The following HS6ST3 variants were observed in gnomAD, a reference collection of about 807,000 sequenced individuals.
The protein encoded by HS6ST3 is heparan-sulfate 6-O-sulfotransferase 3.
A neutral mutation model predicts 36.7 loss-of-function variants in HS6ST3; 12 were observed. The observed-to-expected ratio is 0.33, with a 90% confidence interval of 0.21 to 0.53. HS6ST3 has a LOEUF of 0.53. Among genes scored for constraint, HS6ST3 ranks in the 20% least tolerant of loss-of-function variants. The pLI is 0.95. For synonymous variants in HS6ST3, 240 were observed against 257.5 expected, an observed-to-expected ratio of 0.93 and a Z score of 0.65; for missense variants, 584 against 640.9, an observed-to-expected ratio of 0.91 and a Z score of 0.96.
At chr13:96,662,489 TATC>T (rs1396995119) in intron 1 of HS6ST3, among the ~76,000 whole-genome samples, 1 of 143,028 alleles carries the variant, frequency 7.0e-6, no homozygotes, top group Non-Finnish European at 1.5e-5. Flanking sequence ...TCTTCTTTCA[TATC>T]ATGTTTGTGT....
intron 1 of HS6ST3, among the ~76,000 whole-genome samples, chr13:96,748,191 G>C (rs80335820): frequency 2.0e-5 from 3 of 152,000 alleles, no homozygotes; most frequent in Non-Finnish European, 2.9e-5. Context: ...AAGAGGACTT[G>C]TGTCTTTCAA....
At chr13:96,643,312 A>T (rs2056577070) in intron 1 of HS6ST3, among the ~76,000 whole-genome samples, 1 of 151,860 alleles carries the variant, frequency 6.6e-6, no homozygotes, top group Non-Finnish European at 1.5e-5. Context: ...ACTCATACAG[A>T]ACCCCAAGTC....
intron 1 of HS6ST3, among the ~76,000 whole-genome samples, chr13:96,683,122 G>A (rs1300859088): frequency 6.6e-6 from 1 of 152,014 alleles, no homozygotes; most frequent in Admixed American, 6.6e-5. Flanking sequence ...TCTTAATATT[G>A]ACAGTATGTT....
intron 1 of HS6ST3, among the ~76,000 whole-genome samples, chr13:96,312,860 G>A (rs1476215271): frequency 1.4e-5 from 2 of 148,020 alleles, no homozygotes; most frequent in African/African-American, 5.0e-5. Flanking sequence ...GCTCAGGCAT[G>A]AGAATCGCTT....
At chr13:96,097,031 A>G (rs532292059) in intron 1 of HS6ST3, among the ~76,000 whole-genome samples, 1 of 152,284 alleles carries the variant, frequency 6.6e-6, no homozygotes, top group African/African-American at 2.4e-5. Context: ...CTCCTAAAAT[A>G]CTGCTTCTGC....
At chr13:96,149,980 G>A (rs1313237432) in intron 1 of HS6ST3, among the ~76,000 whole-genome samples, 1 of 152,196 alleles carries the variant, frequency 6.6e-6, no homozygotes, top group Non-Finnish European at 1.5e-5. Context: ...AGGTTGGTGA[G>A]CGGGACGGAG....
chr13:96,682,457 T>G (rs1260671065), intron 1 of HS6ST3, among the ~76,000 whole-genome samples: 1 of 152,152 alleles, frequency 6.6e-6, no homozygotes, highest in Non-Finnish European at 1.5e-5. Context: ...CAATGATTGC[T>G]TGATACGTGC....
chr13:96,669,285 G>A (rs1054666308), intron 1 of HS6ST3, among the ~76,000 whole-genome samples: 1 of 152,186 alleles, frequency 6.6e-6, no homozygotes, highest in African/African-American at 2.4e-5. Flanking sequence ...TTGCCAGAGA[G>A]TGGTGGCACT....
chr13:96,528,940 A>G (rs1246466950), intron 1 of HS6ST3, among the ~76,000 whole-genome samples: 1 of 152,058 alleles, frequency 6.6e-6, no homozygotes. Context: ...CCCTTTTCAG[A>G]TTTCGGGAGT....
rs562049632 is a variant in HS6ST3 at position 96,756,028 on chromosome 13, A to G, written c.708-76462A>G. ...AGTTGTAGCCATTGTAGTAAGTGTGAAATGTTAACTCACTTTAGTTTTAGC... is the reference window on the plus strand; with the variant it reads ...AGTTGTAGCCATTGTAGTAAGTGTGGAATGTTAACTCACTTTAGTTTTAGC... On this transcript the variant is annotated intron_variant, in intron 1 of 1. Coordinates refer to ENST00000376705, the MANE Select transcript of HS6ST3 (RefSeq NM_153456.4). 5.3e-5 allele frequency among the ~76,000 whole-genome samples: 8 copies of G among 152,270 alleles called. No homozygotes were observed. In the South Asian group the frequency reaches 1.7e-3, roughly 32 times the overall value.
chr13:96,151,405 GA>G (rs57166825), intron 1 of HS6ST3, among the ~76,000 whole-genome samples: 2,440 of 141,486 alleles, frequency 0.017, 61 homozygotes, highest in African/African-American at 0.056. Flanking sequence ...CTCCATCTTG[GA>G]AAAAAAAAAA....
intron 1 of HS6ST3, among the ~76,000 whole-genome samples, chr13:96,145,771 G>A (rs1226952280): frequency 1.3e-5 from 2 of 152,164 alleles, no homozygotes; most frequent in African/African-American, 4.8e-5. Flanking sequence ...TTCTTCTAGG[G>A]TTTTTATGGT....
chr13:96,746,116 A>T (rs556553359), intron 1 of HS6ST3, among the ~76,000 whole-genome samples: 2 of 152,104 alleles, frequency 1.3e-5, no homozygotes, highest in Non-Finnish European at 2.9e-5. Context: ...TCCCAATTTA[A>T]AAAGAGTGTA....
At chr13:96,335,745 C>T (rs543217756) in intron 1 of HS6ST3, among the ~76,000 whole-genome samples, 9 of 152,272 alleles carry the variant, frequency 5.9e-5, no homozygotes, top group South Asian at 4.1e-4. Context: ...TGATTTCCTC[C>T]GGCCTTCAGG....
intron 1 of HS6ST3, among the ~76,000 whole-genome samples, chr13:96,315,452 C>T (rs1322788429): frequency 6.6e-6 from 1 of 151,834 alleles, no homozygotes; most frequent in South Asian, 2.1e-4. Context: ...ATATTTAGAA[C>T]AATAACTCTG....
At chr13:96,379,526 A>G (rs1301154609) in intron 1 of HS6ST3, among the ~76,000 whole-genome samples, 2 of 152,250 alleles carry the variant, frequency 1.3e-5, no homozygotes, top group Non-Finnish European at 2.9e-5. Flanking sequence ...TCTATTGTTT[A>G]TAAACTACCC....
intron 1 of HS6ST3, among the ~76,000 whole-genome samples, chr13:96,822,808 A>G (rs138080673): frequency 2.2e-3 from 338 of 152,338 alleles, no homozygotes; most frequent in Non-Finnish European, 3.8e-3. Flanking sequence ...ACTGCCAATG[A>G]ATATAATCGG....
chr13:96,293,744 T>G (rs1399302403), intron 1 of HS6ST3, among the ~76,000 whole-genome samples: 1 of 152,106 alleles, frequency 6.6e-6, no homozygotes, highest in East Asian at 1.9e-4. Context: ...CTCTGGAGCA[T>G]ATTGGTAAGA....
intron 1 of HS6ST3, among the ~76,000 whole-genome samples, chr13:96,293,798 A>T (rs2054841537): frequency 6.6e-6 from 1 of 152,144 alleles, no homozygotes; most frequent in African/African-American, 2.4e-5. Flanking sequence ...TTCATGATGC[A>T]CAAAGGGAGA....
Sources: allele counts gnomAD v4.1 joint callset (sites outside exome capture counted in the v4.1 genomes callset), GRCh38; gene constraint gnomAD v4.1.1; transcripts MANE v1.5; gene names NCBI Gene and HGNC (gene_info 2026-07-23, HGNC 2026-07-21).